ASXL1: variants seen among roughly 807,000 people sequenced by gnomAD.
ASXL1 encodes ASXL transcriptional regulator 1.
ASXL1 carries 65 observed loss-of-function variants against 89.1 expected under a neutral mutation model. The ratio of observed to expected loss-of-function variants is 0.73; its 90% confidence interval spans 0.60 to 0.90. The LOEUF (loss-of-function observed/expected upper bound fraction) is 0.90. ASXL1 is among the 40% of genes least tolerant of loss of function. The probability of loss-of-function intolerance (pLI) is 0.00; values close to 1 mark genes in which losing one functional copy is unlikely to be tolerated. For missense variants in ASXL1, 1,786 were observed against 1,942.9 expected (o/e 0.92, Z 1.52); for synonymous variants, 739 against 746.9 (o/e 0.99, Z 0.17).
intron 12 of ASXL1, chr20:32,434,147 GT>G: frequency 1.4e-6 from 1 of 735,620 alleles, no homozygotes; most frequent in Non-Finnish European, 2.2e-6. Context: ...ATCCTTTGGG[GT>G]TTTAAAATCT....
Position 32,358,827 on chromosome 20 carries a change from C to A in ASXL1, c.52C>A (p.Arg18Ser), listed in dbSNP as rs1302023145. The A allele has an allele frequency of 1.3e-6, 2 of 1,507,520 alleles. No individual in the cohort carries two copies. The highest frequency in any genetic ancestry group is 2.5e-5 in the South Asian group (2 of 80,178). 93.4% of individuals were successfully genotyped at this position (1,507,520 alleles called of 1,614,324 possible). A position where few individuals can be genotyped will look rare whatever the true frequency, so the allele number is the denominator to read the frequency against. The change falls in exon 1 of 13, where the codon CGC (arginine) becomes AGC (serine). Residue 18 changes from arginine to serine, a missense_variant. Physicochemically the swap from Arg to Ser is moderately radical, Grantham distance 110 (BLOSUM62 -1). Coordinates refer to ENST00000375687, the MANE Select transcript of ASXL1 (RefSeq NM_015338.6). ...GGAGCGCACGTGGGCCGAGGCCGCG[C>A]GCCTGGTGAGGCGGACAGCCGAGGG... Reference protein sequence around the residue: ...KKERTWAEAARLVLENYSDAP... With the variant: ...KKERTWAEAASLVLENYSDAP...
In ASXL1 at chr20:32,405,894, C is replaced by T. The variant is rs142721470; in HGVS notation, c.253-22234C>T. On this transcript the variant is annotated intron_variant, in intron 4 of 12. Transcript: ENST00000375687. The stretch of plus-strand genomic sequence containing the variant: ...TGCCATCCTTCATCACTATAAAGCT[C>T]CTTTTTACCCCCACCCCTTTTTTTT... 1.5e-3 allele frequency among the ~76,000 whole-genome samples: 227 copies of T among 152,172 alleles called. 2 individuals carry two copies. Among genetic ancestry groups the T allele is most frequent in the African/African-American group, 5.0e-3 (209 of 41,504 alleles).
At chr20:32,361,380 C>A (rs1056208960) in intron 1 of ASXL1, among the ~76,000 whole-genome samples, 1 of 151,328 alleles carries the variant, frequency 6.6e-6, no homozygotes, top group African/African-American at 2.4e-5. Flanking sequence ...TGGCTCACGC[C>A]TGTAATCCCA....
intron 4 of ASXL1, among the ~76,000 whole-genome samples, chr20:32,407,976 C>T (rs1304597403): frequency 2.0e-5 from 3 of 152,092 alleles, no homozygotes; most frequent in Non-Finnish European, 4.4e-5. Context: ...CTAGCTTTGT[C>T]ACCCAGGCTG....
At chr20:32,378,195 T>TGTGTGTGTGTGTG (rs1569255451) in intron 4 of ASXL1, among the ~76,000 whole-genome samples, 18 of 147,366 alleles carry the variant, frequency 1.2e-4, no homozygotes, top group African/African-American at 4.2e-4. Flanking sequence ...TGTGTGTGTG[T>TGTGTGTGTGTGTG]TTTAATAGAG....
In ASXL1 at chr20:32,436,734, G is replaced by C; in HGVS notation, c.4022G>C (p.Ser1341Thr). The change falls in exon 13 of 13, where the codon AGC (serine) becomes ACC (threonine). Residue 1341 changes from serine (S) to threonine (T), a missense_variant. Physicochemically the swap from Ser to Thr is moderately conservative, Grantham distance 58. Transcript: ENST00000375687. ...PVFPSGKLGP[S>T]TNSMSGGVQT... ...TTTCCCAGTGGGAAGTTGGGACCAA[G>C]CACAAACTCCATGTCTGGTGGGGTA... is the stretch of plus-strand genomic sequence containing the variant. The C allele has an allele frequency of 6.2e-7, 1 of 1,614,114 alleles. No individual in the cohort carries two copies. The highest frequency in any genetic ancestry group is 1.7e-5 in the Admixed American group (1 of 60,032).
At chr20:32,385,704 C>A (rs1220763341) in intron 4 of ASXL1, among the ~76,000 whole-genome samples, 2 of 152,098 alleles carry the variant, frequency 1.3e-5, no homozygotes, top group African/African-American at 4.8e-5. Flanking sequence ...ATAGCTTCTG[C>A]CTGGTCTACT....
chr20:32,380,429 T>C (rs1241875596), intron 4 of ASXL1, among the ~76,000 whole-genome samples: 1 of 152,222 alleles, frequency 6.6e-6, no homozygotes, highest in African/African-American at 2.4e-5. Context: ...AAAATTTTTG[T>C]GTACAATTCC....
At chr20:32,391,182 A>G (rs2048665105) in intron 4 of ASXL1, among the ~76,000 whole-genome samples, 1 of 151,912 alleles carries the variant, frequency 6.6e-6, no homozygotes, top group South Asian at 2.1e-4. Context: ...GAACCATTAC[A>G]GTTGGCTAGC....
intron 2 of ASXL1, 106 bp downstream of exon 2, chr20:32,366,572 GTGTC>G: frequency 6.3e-7 from 1 of 1,585,584 alleles, no homozygotes; most frequent in Non-Finnish European, 8.6e-7. Flanking sequence ...TTGTGCTTCT[GTGTC>G]TGGTAGTGAG....
At chr20:32,378,233 G>A (rs1339467707) in intron 4 of ASXL1, among the ~76,000 whole-genome samples, 1 of 150,440 alleles carries the variant, frequency 6.6e-6, no homozygotes, top group Non-Finnish European at 1.5e-5. Flanking sequence ...TGCCCAGCCT[G>A]GCTCTTGACC....
At chr20:32,364,461 G>C (rs2048173623) in intron 1 of ASXL1, among the ~76,000 whole-genome samples, 2 of 152,034 alleles carry the variant, frequency 1.3e-5, no homozygotes, top group Admixed American at 6.6e-5. Flanking sequence ...CAAGCAATCT[G>C]CCCACCTTGG....
chr20:32,434,986 A>T lies in ASXL1; in HGVS notation c.2274A>T (p.Pro758=), dbSNP rs1569330737. The change falls in exon 13 of 13, where the codon CCA becomes CCT. Residue 758 remains proline, a synonymous_variant. Coordinates refer to ENST00000375687, the MANE Select transcript of ASXL1 (RefSeq NM_015338.6). ...QLPVAPTGDQ[P]CQALPLLSSQ... Reference sequence around the variant, plus strand: ...CCGTTGCTCCCACTGGGGACCAGCCATGCCAGGCCTTGCCCCTACTGTCCT... The same window carrying T: ...CCGTTGCTCCCACTGGGGACCAGCCTTGCCAGGCCTTGCCCCTACTGTCCT... 1.2e-6 allele frequency: 2 copies of T among 1,614,172 alleles called. No individual in the cohort carries two copies. The highest frequency in any genetic ancestry group is 1.7e-6 in the Non-Finnish European group (2 of 1,180,026).
chr20:32,366,154 G>C (rs900895108), intron 1 of ASXL1, among the ~76,000 whole-genome samples: 1 of 152,166 alleles, frequency 6.6e-6, no homozygotes, highest in African/African-American at 2.4e-5. Flanking sequence ...TACCATGTAT[G>C]CTGAGAAGAT....
At position 32,437,424 on chromosome 20, in the gene ASXL1, GATATA is replaced by G; in HGVS notation, c.*90_*94del. ...TTAAATCTGTATACAGAATATCATT[GATATA>G]ATACTCTTTAGGCAGGAGCACTCTT... On this transcript the variant is annotated 3_prime_UTR_variant, in exon 13 of 13. Transcript: ENST00000375687. 3 of 1,571,534 alleles carry G rather than the reference GATATA, an allele frequency of 1.9e-6. No individual in the cohort carries two copies. Among genetic ancestry groups the G allele is most frequent in the Non-Finnish European group, 1.7e-6 (2 of 1,143,070 alleles).
chr20:32,400,466 A>G (rs924763596), intron 4 of ASXL1, among the ~76,000 whole-genome samples: 1 of 152,112 alleles, frequency 6.6e-6, no homozygotes, highest in African/African-American at 2.4e-5. Context: ...ATTCTTCCTC[A>G]CTTCTGAGAC....
chr20:32,369,331 C>T (rs1039692948), intron 4 of ASXL1, among the ~76,000 whole-genome samples: 12 of 152,134 alleles, frequency 7.9e-5, no homozygotes, highest in Non-Finnish European at 1.5e-4. Context: ...TCACTGCAAT[C>T]TCTGCCTCCC....
intron 1 of ASXL1, among the ~76,000 whole-genome samples, chr20:32,364,264 G>A (rs2048170010): frequency 1.3e-5 from 2 of 152,124 alleles, no homozygotes; most frequent in Admixed American, 1.3e-4. Flanking sequence ...CACCCTGGCT[G>A]AAGTGCAGTG....
Position 32,434,571 on chromosome 20 carries a change from G to A in ASXL1, c.1859G>A (p.Arg620His), listed in dbSNP as rs750708574. The A allele has an allele frequency of 1.1e-5, 18 of 1,613,548 alleles. No individual in the cohort carries two copies. Among genetic ancestry groups the A allele is most frequent in the African/African-American group, 2.7e-5 (2 of 75,042 alleles). ...GARTLADIKA[R>H]ALQVRGARGH... ...AGGACCCTCGCAGACATTAAAGCCC[G>A]TGCTCTGCAGGTCCGAGGGGCGAGA... Residue 620 changes from arginine (R) to histidine (H), a missense_variant, in exon 13 of 13, where the codon CGT (arginine) becomes CAT (histidine). By Grantham distance (29) the Arg-to-His change is conservative. Transcript: ENST00000375687.
Sources: gnomAD v4.1 joint callset for allele counts (sites outside exome capture counted in the v4.1 genomes callset) on GRCh38, gnomAD v4.1.1 for gene constraint, MANE v1.5 for transcripts, NCBI Gene and HGNC (gene_info 2026-07-23, HGNC 2026-07-21) for gene names.